Variants in KATNIP observed in about 807,000 individuals in gnomAD.
KATNIP encodes katanin interacting protein.
KATNIP carries 126 observed loss-of-function variants against 174.0 expected under a neutral mutation model. The observed-to-expected ratio is 0.72, with a 90% confidence interval of 0.63 to 0.84. KATNIP has a LOEUF of 0.84. KATNIP is among the 40% of genes least tolerant of loss of function. The pLI is 0.00. For synonymous variants in KATNIP, 810 were observed against 835.7 expected, an observed-to-expected ratio of 0.97 and a Z score of 0.53; for missense variants, 1,958 against 2,109.7, an observed-to-expected ratio of 0.93 and a Z score of 1.41.
intron 1 of KATNIP, among the ~76,000 whole-genome samples, chr16:27,555,351 G>C (rs533150117): frequency 3.3e-5 from 5 of 152,290 alleles, no homozygotes; most frequent in African/African-American, 1.2e-4. Context: ...ACTTTGGGCA[G>C]GTCCTATCTG....
chr16:27,567,114 G>A (rs955337558), intron 1 of KATNIP, among the ~76,000 whole-genome samples: 2 of 152,090 alleles, frequency 1.3e-5, no homozygotes, highest in Admixed American at 1.3e-4. Context: ...CAAAAATATT[G>A]TGTTCTCTTT....
At chr16:27,576,788 G>A (rs1164043349) in intron 2 of KATNIP, among the ~76,000 whole-genome samples, 1 of 152,190 alleles carries the variant, frequency 6.6e-6, no homozygotes. Context: ...CAGGATGCCA[G>A]GTATAGATCA....
chr16:27,723,217 C>G (rs886555605), intron 14 of KATNIP, among the ~76,000 whole-genome samples: 91 of 152,166 alleles, frequency 6.0e-4, no homozygotes, highest in African/African-American at 2.1e-3. Context: ...TTCAAACCCT[C>G]AGAGCTTCCC....
intron 8 of KATNIP, 132 bp from the exon 9 acceptor site, chr16:27,698,196 T>C (rs2078980763): frequency 1.1e-6 from 1 of 951,480 alleles, no homozygotes; most frequent in African/African-American, 1.6e-5. Context: ...CTTTGTCTTT[T>C]ACCGCCTTGA....
intron 2 of KATNIP, among the ~76,000 whole-genome samples, chr16:27,616,954 T>C (rs1714258543): frequency 7.0e-6 from 1 of 142,330 alleles, no homozygotes; most frequent in African/African-American, 2.6e-5. Flanking sequence ...TATGTGTTTA[T>C]ATGTAGATAT....
intron 16 of KATNIP, among the ~76,000 whole-genome samples, chr16:27,750,691 C>G (rs2081478337): frequency 6.7e-6 from 1 of 149,628 alleles, no homozygotes; most frequent in African/African-American, 2.5e-5. Flanking sequence ...CTCGGCCTCC[C>G]AAAGTGTTGG....
At chr16:27,625,814 C>A (rs1470738172) in intron 3 of KATNIP, among the ~76,000 whole-genome samples, 2 of 151,840 alleles carry the variant, frequency 1.3e-5, no homozygotes, top group African/African-American at 4.8e-5. Flanking sequence ...CTACATATGC[C>A]TTTTTCTTTT....
At chr16:27,563,513 T>G (rs1405083217) in intron 1 of KATNIP, among the ~76,000 whole-genome samples, 3 of 151,720 alleles carry the variant, frequency 2.0e-5, no homozygotes, top group Non-Finnish European at 2.9e-5. Context: ...GCAAGGTTCC[T>G]TCTCTAAATA....
At chr16:27,659,184 T>C (rs1333670910) in intron 6 of KATNIP, among the ~76,000 whole-genome samples, 1 of 152,166 alleles carries the variant, frequency 6.6e-6, no homozygotes, top group Non-Finnish European at 1.5e-5. Flanking sequence ...AATATTTACA[T>C]ACAGAATAAT....
intron 5 of KATNIP, among the ~76,000 whole-genome samples, chr16:27,635,012 G>A (rs1334905019): frequency 1.3e-5 from 2 of 152,154 alleles, no homozygotes; most frequent in African/African-American, 4.8e-5. Context: ...GGGAAGTCAC[G>A]GGACAGGGAG....
chr16:27,660,602 A>G (rs571313087), intron 6 of KATNIP, among the ~76,000 whole-genome samples: 248 of 151,676 alleles, frequency 1.6e-3, no homozygotes, highest in Non-Finnish European at 2.6e-3. Flanking sequence ...TAGACGATAC[A>G]TAATAGTTTG....
At chr16:27,765,598 CAGCA>C (rs1247565950) in intron 19 of KATNIP, among the ~76,000 whole-genome samples, 1 of 152,228 alleles carries the variant, frequency 6.6e-6, no homozygotes, top group African/African-American at 2.4e-5. Flanking sequence ...CTCTCTCCCC[CAGCA>C]TGGGAAGGAA....
chr16:27,607,176 G>T (rs911897246), intron 2 of KATNIP, among the ~76,000 whole-genome samples: 2 of 152,070 alleles, frequency 1.3e-5, no homozygotes, highest in Non-Finnish European at 2.9e-5. Flanking sequence ...TTCCACCCAC[G>T]CCACGTGGAC....
chr16:27,694,029 C>T (rs2142937060), intron 8 of KATNIP, among the ~76,000 whole-genome samples: 1 of 152,306 alleles, frequency 6.6e-6, no homozygotes, highest in South Asian at 2.1e-4. Flanking sequence ...TTCAGTGACA[C>T]TGAGATGGTT....
At chr16:27,620,615 A>C (rs2076166391) in intron 3 of KATNIP, among the ~76,000 whole-genome samples, 1 of 152,194 alleles carries the variant, frequency 6.6e-6, no homozygotes. Context: ...TTGTGGGAAG[A>C]ACTGCAATTT....
At chr16:27,552,048 A>G (rs2089401791) in intron 1 of KATNIP, among the ~76,000 whole-genome samples, 1 of 152,228 alleles carries the variant, frequency 6.6e-6, no homozygotes, top group East Asian at 1.9e-4. Context: ...AAAAAACTCC[A>G]ACAACAATAA....
chr16:27,754,075 G>T (rs1217783205), intron 17 of KATNIP, 98 bp from the exon 18 acceptor site: 2 of 946,198 alleles, frequency 2.1e-6, no homozygotes, highest in Admixed American at 3.6e-5. Flanking sequence ...CCTGGGCATA[G>T]GGTGGGCAGT....
In KATNIP at chr16:27,586,918, CT is replaced by C. The variant is rs1370923352; in HGVS notation, c.63+12977del. Among the ~76,000 whole-genome samples, 1,282 of 136,466 alleles carry C rather than the reference CT, an allele frequency of 9.4e-3. 13 individuals carry two copies. The highest frequency in any genetic ancestry group is 0.022 in the African/African-American group (822 of 37,404). 89.5% of individuals were successfully genotyped at this position (136,466 alleles called of 152,430 possible). Reference sequence around the variant, plus strand: ...TTCTGGACTTTTCCAACTTCTTCTTCTTTTTTTTTTTTTTTAATATAGAAAC... The same window carrying C: ...TTCTGGACTTTTCCAACTTCTTCTTCTTTTTTTTTTTTTTAATATAGAAAC... On this transcript the variant is annotated intron_variant, in intron 2 of 27. Transcript: ENST00000261588.
intron 6 of KATNIP, among the ~76,000 whole-genome samples, chr16:27,657,934 A>G (rs62029121): frequency 0.067 from 10,124 of 152,168 alleles, 459 homozygotes; most frequent in Non-Finnish European, 0.08. Flanking sequence ...CAAAAACAGC[A>G]TAGTAGGATT....
Sources: allele counts gnomAD v4.1 joint callset (sites outside exome capture counted in the v4.1 genomes callset), GRCh38; gene constraint gnomAD v4.1.1; transcripts MANE v1.5; gene names NCBI Gene and HGNC (gene_info 2026-07-23, HGNC 2026-07-21).